DCDC1: variants seen among roughly 807,000 people sequenced by gnomAD.
The protein encoded by DCDC1 is doublecortin domain-containing protein 1.
A neutral mutation model predicts 178.3 loss-of-function variants in DCDC1; 200 were observed. That is an observed-to-expected ratio of 1.12 (90% confidence interval 1.00 to 1.26). DCDC1 has a LOEUF of 1.26. Ranked by LOEUF, DCDC1 falls within the 50% of genes most tolerant of loss-of-function variation. DCDC1 has a pLI of 0.00. For synonymous variants in DCDC1, 690 were observed against 604.8 expected, an observed-to-expected ratio of 1.14 and a Z score of -2.07; for missense variants, 1,983 against 1,749.2, an observed-to-expected ratio of 1.13 and a Z score of -2.38.
chr11:31,313,987 A>C (rs926291366), intron 3 of DCDC1, among the ~76,000 whole-genome samples: 2 of 152,142 alleles, frequency 1.3e-5, no homozygotes, highest in African/African-American at 4.8e-5. Context: ...ATTTTTCATT[A>C]CATCTGTAAA....
intron 28 of DCDC1, 25 bp from the exon 29 acceptor site, chr11:30,909,141 G>T (rs1343018823): frequency 6.3e-7 from 1 of 1,588,712 alleles, no homozygotes; most frequent in Non-Finnish European, 8.6e-7. Context: ...AAAATATGGA[G>T]TCAAGTGAGT....
At chr11:31,239,747 T>A (rs1207530110) in intron 9 of DCDC1, among the ~76,000 whole-genome samples, 2 of 151,898 alleles carry the variant, frequency 1.3e-5, no homozygotes, top group South Asian at 2.1e-4. Context: ...ACAGAGACAC[T>A]AAAATGTTAA....
intron 11 of DCDC1, among the ~76,000 whole-genome samples, chr11:31,121,905 T>C (rs546387512): frequency 6.6e-6 from 1 of 152,244 alleles, no homozygotes; most frequent in Non-Finnish European, 1.5e-5. Flanking sequence ...TAAGCTATAG[T>C]AAGTTCAGTT....
At chr11:31,308,903 A>G (rs1948609178) in intron 3 of DCDC1, among the ~76,000 whole-genome samples, 1 of 152,020 alleles carries the variant, frequency 6.6e-6, no homozygotes, top group African/African-American at 2.4e-5. Context: ...TCATTCCTCA[A>G]TAGTTATTGC....
At chr11:31,168,948 A>G (rs1169302788) in intron 9 of DCDC1, among the ~76,000 whole-genome samples, 1 of 152,168 alleles carries the variant, frequency 6.6e-6, no homozygotes, top group African/African-American at 2.4e-5. Context: ...CTAAAATGGC[A>G]CACTATTTAT....
intron 9 of DCDC1, among the ~76,000 whole-genome samples, chr11:31,211,517 G>T (rs1457238502): frequency 6.6e-6 from 1 of 152,084 alleles, no homozygotes; most frequent in African/African-American, 2.4e-5. Context: ...AATATGAGAT[G>T]AATTAAACAT....
chr11:31,179,373 C>T (rs1421316388), intron 9 of DCDC1, among the ~76,000 whole-genome samples: 1 of 152,158 alleles, frequency 6.6e-6, no homozygotes, highest in Non-Finnish European at 1.5e-5. Context: ...ACAATCTGTA[C>T]TCCCGTTTAT....
In DCDC1 at chr11:30,952,563, GCCC is replaced by G; in HGVS notation, c.2594_2596del (p.Trp865_Ala866delinsSer). ...CTTACTGGTTCCTTCATGTTTTATG[GCCC>G]ACCTAAAACAAAAGATAAAAAACAA... On this transcript the variant is annotated inframe_deletion and splice_region_variant, in exon 21 of 39. Coordinates refer to ENST00000684477, the MANE Select transcript of DCDC1 (RefSeq NM_001387274.1). 7.5e-7 allele frequency: 1 copy of G among 1,333,052 alleles called. No homozygotes were observed. The highest frequency in any genetic ancestry group is 1.8e-5 in the Admixed American group (1 of 54,294). 82.6% of individuals were successfully genotyped at this position (1,333,052 alleles called of 1,614,324 possible). A position where few individuals can be genotyped will look rare whatever the true frequency, so the allele number is the denominator to read the frequency against.
At position 31,102,205 on chromosome 11, in the gene DCDC1, TC is replaced by T; in HGVS notation, c.1954del (p.Asp652ThrfsTer11). The T allele has an allele frequency of 1.4e-6, 1 of 730,212 alleles. No homozygotes were observed. Among genetic ancestry groups the T allele is most frequent in the Non-Finnish European group, 2.5e-6 (1 of 396,064 alleles). The allele number at this position is 730,212 out of a possible 1,614,324, so 45.2% of individuals were successfully genotyped here. A position where few individuals can be genotyped will look rare whatever the true frequency, so the allele number is the denominator to read the frequency against. On this transcript the variant is annotated frameshift_variant, in exon 15 of 39. Transcript: ENST00000684477. LOFTEE classifies it high-confidence loss of function. The stretch of plus-strand genomic sequence containing the variant: ...GTTCTGTAGAAAATGGTTCTCCAAG[TC>T]CACCTTTTCAAACTGGTCAGGTATC... ...QQIPDQFEKVDLENHFLQNKV... is the reference protein window; with the variant it reads ...QQIPDQFEKVXLENHFLQNKV...
At chr11:31,230,419 C>T (rs1429750439) in intron 9 of DCDC1, among the ~76,000 whole-genome samples, 1 of 151,868 alleles carries the variant, frequency 6.6e-6, no homozygotes, top group Non-Finnish European at 1.5e-5. Context: ...ACAATTACTA[C>T]ACTGCAGAGG....
intron 9 of DCDC1, among the ~76,000 whole-genome samples, chr11:31,208,788 C>T (rs1972157126): frequency 6.6e-6 from 1 of 152,122 alleles, no homozygotes; most frequent in Non-Finnish European, 1.5e-5. Context: ...AAAGCTCTTC[C>T]CACAATAGGT....
At chr11:30,929,529 T>C (rs893114434) in intron 22 of DCDC1, among the ~76,000 whole-genome samples, 23 of 151,948 alleles carry the variant, frequency 1.5e-4, no homozygotes, top group African/African-American at 5.1e-4. Context: ...AGAGTGGGAA[T>C]TGGGGGAGTG....
intron 1 of DCDC1, among the ~76,000 whole-genome samples, chr11:31,357,663 T>C (rs1407375956): frequency 4.6e-5 from 7 of 152,132 alleles, no homozygotes; most frequent in Admixed American, 4.6e-4. Flanking sequence ...TGTTTGCAGA[T>C]GACATGATTG....
At chr11:31,297,185 C>T (rs577412169) in intron 6 of DCDC1, among the ~76,000 whole-genome samples, 1 of 152,234 alleles carries the variant, frequency 6.6e-6, no homozygotes, top group African/African-American at 2.4e-5. Context: ...CTTGACAAGA[C>T]TTCAGCCCTG....
intron 6 of DCDC1, among the ~76,000 whole-genome samples, chr11:31,303,863 G>A (rs1948285273): frequency 6.6e-6 from 1 of 152,238 alleles, no homozygotes; most frequent in South Asian, 2.1e-4. Context: ...AGCAACAACT[G>A]TCGAGCAGCA....
In DCDC1 at chr11:31,144,976, T is replaced by C. The variant is rs1197634805; in HGVS notation, c.1222-7192A>G. On this transcript the variant is annotated intron_variant, in intron 9 of 38. Transcript: ENST00000684477. ...CTTTTAGACTTTATGACTCCAACTATATTATCTTCTATAACTTTTATTATT... is the reference window on the plus strand; with the variant it reads ...CTTTTAGACTTTATGACTCCAACTACATTATCTTCTATAACTTTTATTATT... Among the ~76,000 whole-genome samples, 4 of 152,102 alleles carry C rather than the reference T, an allele frequency of 2.6e-5. No homozygotes were observed. The South Asian group carries it at 6.2e-4, about 24-fold the overall frequency.
chr11:31,234,200 G>A (rs776950183), intron 9 of DCDC1, among the ~76,000 whole-genome samples: 1 of 152,108 alleles, frequency 6.6e-6, no homozygotes, highest in East Asian at 1.9e-4. Context: ...AAATGTAACA[G>A]GATACTGATT....
At chr11:30,942,900 T>C (rs1191498693) in intron 21 of DCDC1, among the ~76,000 whole-genome samples, 2 of 152,230 alleles carry the variant, frequency 1.3e-5, no homozygotes, top group Non-Finnish European at 2.9e-5. Context: ...CTGTCGGTTC[T>C]TCCTTTAAGC....
intron 7 of DCDC1, among the ~76,000 whole-genome samples, chr11:31,278,528 G>A (rs1946160443): frequency 6.6e-6 from 1 of 152,080 alleles, no homozygotes; most frequent in African/African-American, 2.4e-5. Flanking sequence ...TGGGAGGACT[G>A]GGAAGATATT....
Sources: gnomAD v4.1 joint callset for allele counts (sites outside exome capture counted in the v4.1 genomes callset) on GRCh38, gnomAD v4.1.1 for gene constraint, MANE v1.5 for transcripts, NCBI Gene and HGNC (gene_info 2026-07-23, HGNC 2026-07-21) for gene names.